Variants in PTPRT observed in about 807,000 individuals in gnomAD.
PTPRT encodes protein tyrosine phosphatase receptor type T.
In PTPRT, 56 loss-of-function variants were observed where a neutral mutation model predicts 176.8. The ratio of observed to expected loss-of-function variants is 0.32; its 90% confidence interval spans 0.26 to 0.40. The LOEUF (loss-of-function observed/expected upper bound fraction) is 0.40, where lower values mean the gene tolerates loss of function less well. Among genes scored for constraint, PTPRT ranks in the 10% least tolerant of loss-of-function variants. PTPRT has a pLI of 1.00. For synonymous variants in PTPRT, 783 were observed against 739.0 expected, an observed-to-expected ratio of 1.06 and a Z score of -0.96; for missense variants, 1,540 against 1,908.2, an observed-to-expected ratio of 0.81 and a Z score of 3.60.
chr20:42,219,343 A>G (rs1342577506), intron 15 of PTPRT, among the ~76,000 whole-genome samples: 1 of 152,168 alleles, frequency 6.6e-6, no homozygotes, highest in Non-Finnish European at 1.5e-5. Flanking sequence ...GGAGACCTGG[A>G]AACTAGTTCT....
intron 2 of PTPRT, among the ~76,000 whole-genome samples, chr20:42,848,410 A>G (rs753264889): frequency 6.6e-6 from 1 of 152,182 alleles, no homozygotes; most frequent in Non-Finnish European, 1.5e-5. Flanking sequence ...TGTTTTGTAT[A>G]GTGGTTGTAC....
chr20:43,031,234 C>A (rs533401898), intron 1 of PTPRT, among the ~76,000 whole-genome samples: 12 of 152,284 alleles, frequency 7.9e-5, no homozygotes, highest in African/African-American at 2.4e-4. Context: ...GCTAAGCTGT[C>A]GGTGGCAGTA....
At chr20:42,204,899 G>T (rs2055414348) in intron 15 of PTPRT, among the ~76,000 whole-genome samples, 1 of 152,100 alleles carries the variant, frequency 6.6e-6, no homozygotes, top group Middle Eastern at 3.4e-3. Flanking sequence ...TTCTCTTCAT[G>T]CATCTGATGG....
chr20:42,314,911 T>C (rs2057693561), intron 12 of PTPRT, among the ~76,000 whole-genome samples: 2 of 138,378 alleles, frequency 1.4e-5, no homozygotes, highest in East Asian at 3.9e-4. Flanking sequence ...TCATTGGAGG[T>C]ATTCAAGAAT....
intron 14 of PTPRT, among the ~76,000 whole-genome samples, chr20:42,246,566 A>G (rs1200731310): frequency 1.3e-5 from 2 of 152,188 alleles, no homozygotes; most frequent in Admixed American, 1.3e-4. Context: ...CTTATTTTAT[A>G]GTTGCTCCTA....
At chr20:42,167,051 A>G (rs1289997359) in intron 16 of PTPRT, among the ~76,000 whole-genome samples, 2 of 152,184 alleles carry the variant, frequency 1.3e-5, no homozygotes, top group African/African-American at 4.8e-5. Context: ...CAAGTGACAA[A>G]TCTTTCTGCA....
chr20:42,165,054 G>C (rs1449182243), intron 16 of PTPRT, among the ~76,000 whole-genome samples: 1 of 152,152 alleles, frequency 6.6e-6, no homozygotes, highest in Non-Finnish European at 1.5e-5. Context: ...TGTGGGATGG[G>C]CAGAAGGATT....
intron 7 of PTPRT, among the ~76,000 whole-genome samples, chr20:42,570,346 T>C (rs1816037768): frequency 6.6e-6 from 1 of 152,180 alleles, no homozygotes; most frequent in Admixed American, 6.5e-5. Context: ...GTAAATGCCA[T>C]TCCAAATCAG....
At chr20:42,138,009 T>C (rs890706490) in intron 18 of PTPRT, among the ~76,000 whole-genome samples, 5 of 152,250 alleles carry the variant, frequency 3.3e-5, no homozygotes, top group African/African-American at 1.2e-4. Flanking sequence ...CTGATTGCTA[T>C]GGCCAAGATT....
At chr20:42,496,766 C>T (rs566478206) in intron 7 of PTPRT, among the ~76,000 whole-genome samples, 2 of 152,034 alleles carry the variant, frequency 1.3e-5, no homozygotes, top group African/African-American at 2.4e-5. Context: ...TTGTTTCAAG[C>T]GTGGCAGTTT....
intron 5 of PTPRT, among the ~76,000 whole-genome samples, chr20:42,757,881 A>C (rs1233111362): frequency 6.6e-6 from 1 of 152,168 alleles, no homozygotes; most frequent in Admixed American, 6.5e-5. Context: ...GATGTTTATT[A>C]ATGTTATTAA....
chr20:42,423,224 A>G (rs1159209808), intron 9 of PTPRT, among the ~76,000 whole-genome samples: 2 of 151,780 alleles, frequency 1.3e-5, no homozygotes, highest in Admixed American at 1.3e-4. Context: ...CTAATAAAAG[A>G]ATCAGAAATG....
rs929112478 is a variant in PTPRT, at chr20:42,570,324, T to C, written c.1154-97762A>G. 1.4e-4 allele frequency among the ~76,000 whole-genome samples: 22 copies of C among 152,150 alleles called. 1 individual carries two copies. Among genetic ancestry groups the C allele is most frequent in the African/African-American group, 5.3e-4 (22 of 41,424 alleles). The stretch of plus-strand genomic sequence containing the variant: ...TCTCCTCGGCACATAAGGATATTCC[T>C]CACTTTAATGTGTAAATGCCATTCC... On this transcript the variant is annotated intron_variant, in intron 7 of 30. Transcript: ENST00000373187.
intron 7 of PTPRT, among the ~76,000 whole-genome samples, chr20:42,673,985 C>T (rs1041902536): frequency 1.3e-5 from 2 of 152,108 alleles, no homozygotes; most frequent in Non-Finnish European, 1.5e-5. Flanking sequence ...GTAAATTCCT[C>T]TGGGCAGAAA....
chr20:42,932,946 C>A (rs556335097), intron 1 of PTPRT, among the ~76,000 whole-genome samples: 5 of 152,238 alleles, frequency 3.3e-5, no homozygotes, highest in African/African-American at 1.2e-4. Flanking sequence ...GGTCAGCCTG[C>A]CCTCATTCTC....
At chr20:42,870,833 C>T (rs928552144) in intron 2 of PTPRT, among the ~76,000 whole-genome samples, 2 of 152,082 alleles carry the variant, frequency 1.3e-5, no homozygotes, top group Non-Finnish European at 2.9e-5. Context: ...AGATGCTTGA[C>T]GTTTATTTCT....
chr20:42,839,383 C>T (rs564779502), intron 2 of PTPRT, among the ~76,000 whole-genome samples: 1 of 151,884 alleles, frequency 6.6e-6, no homozygotes, highest in African/African-American at 2.4e-5. Context: ...AAGAAAAAGC[C>T]TTAATTAAAG....
rs1056574391 is a variant in PTPRT at position 42,499,131 on chromosome 20, T to C, written c.1154-26569A>G. ...CTCATGACATTTGAACTCACAGCAATAGCAACAGGAAGTGGCTACAAAATT... is the reference window on the plus strand; with the variant it reads ...CTCATGACATTTGAACTCACAGCAACAGCAACAGGAAGTGGCTACAAAATT... On this transcript the variant is annotated intron_variant, in intron 7 of 30. Transcript: ENST00000373187. Among the ~76,000 whole-genome samples, 8 of 152,146 alleles carry C rather than the reference T, an allele frequency of 5.3e-5. No homozygotes were observed. In the East Asian group the frequency reaches 9.7e-4, roughly 18 times the overall value.
chr20:42,277,765 T>G (rs1028892044), intron 13 of PTPRT, among the ~76,000 whole-genome samples: 67 of 151,942 alleles, frequency 4.4e-4, no homozygotes, highest in African/African-American at 1.6e-3. Flanking sequence ...GCAGATCCCA[T>G]AGTGGACACT....
Sources: allele counts gnomAD v4.1 joint callset (sites outside exome capture counted in the v4.1 genomes callset), GRCh38; gene constraint gnomAD v4.1.1; transcripts MANE v1.5; gene names NCBI Gene and HGNC (gene_info 2026-07-23, HGNC 2026-07-21).